Variants in ATF7IP2 observed in about 807,000 individuals in gnomAD.
ATF7IP2 encodes activating transcription factor 7 interacting protein 2.
Under a neutral mutation model 64.2 loss-of-function variants are expected in ATF7IP2, and 42 were observed. That is an observed-to-expected ratio of 0.65 (90% confidence interval 0.51 to 0.85). ATF7IP2 has a LOEUF of 0.85. ATF7IP2 is among the 40% of genes least tolerant of loss of function. ATF7IP2 has a pLI of 0.00. For synonymous variants in ATF7IP2, 308 were observed against 272.8 expected (o/e 1.13, Z -1.27); for missense variants, 933 against 784.2 (o/e 1.19, Z -2.27).
chr16:10,438,870 T>G (rs2048511894), intron 7 of ATF7IP2, among the ~76,000 whole-genome samples: 1 of 151,932 alleles, frequency 6.6e-6, no homozygotes, highest in African/African-American at 2.4e-5. Context: ...CTGGGCAACA[T>G]AGTGAAACCC....
At chr16:10,457,122 A>C (rs2049196566) in intron 8 of ATF7IP2, among the ~76,000 whole-genome samples, 1 of 152,196 alleles carries the variant, frequency 6.6e-6, no homozygotes, top group Admixed American at 6.5e-5. Context: ...AAGTACCTGA[A>C]CATTTGTTTT....
Position 10,393,236 on chromosome 16 carries a change from G to A in ATF7IP2, c.-242+7114G>A, listed in dbSNP as rs531600290. On this transcript the variant is annotated intron_variant, in intron 1 of 13. Transcript: ENST00000562102. ...GAGGCAGGAGAATTGCTTGAACCTG[G>A]GAGGCGGAGGTTGCAGTGAGCTGAG... Among the ~76,000 whole-genome samples the A allele has an allele frequency of 5.3e-5, 8 of 149,682 alleles. No individual in the cohort carries two copies. In the South Asian group the frequency reaches 1.5e-3, roughly 28 times the overall value.
chr16:10,424,651 A>C (rs1419889871), intron 3 of ATF7IP2, among the ~76,000 whole-genome samples: 2 of 152,222 alleles, frequency 1.3e-5, no homozygotes, highest in African/African-American at 2.4e-5. Context: ...TAAAAACGCA[A>C]ATAACACAGT....
chr16:10,403,242 G>A (rs550695458), intron 1 of ATF7IP2, among the ~76,000 whole-genome samples: 1 of 152,282 alleles, frequency 6.6e-6, no homozygotes, highest in South Asian at 2.1e-4. Context: ...CCAGGCTCAG[G>A]AGTGTGAGGT....
intron 9 of ATF7IP2, among the ~76,000 whole-genome samples, chr16:10,465,484 C>G (rs368518073): frequency 6.6e-6 from 1 of 151,810 alleles, no homozygotes; most frequent in Non-Finnish European, 1.5e-5. Flanking sequence ...CAGTGACTCA[C>G]GCCTGTAATC....
chr16:10,474,833 A>T (rs1365777718), intron 12 of ATF7IP2, among the ~76,000 whole-genome samples: 3 of 152,248 alleles, frequency 2.0e-5, no homozygotes, highest in African/African-American at 4.8e-5. Context: ...AGAACAATGC[A>T]AGCCAAAAGA....
intron 1 of ATF7IP2, among the ~76,000 whole-genome samples, chr16:10,407,736 A>G (rs770953743): frequency 2.6e-5 from 4 of 152,110 alleles, no homozygotes; most frequent in African/African-American, 7.2e-5. Context: ...TGGTGCACCC[A>G]TCACCCGAGC....
At chr16:10,440,564 A>C (rs1464623123) in intron 8 of ATF7IP2, 102 bp downstream of exon 8, 1 of 700,374 alleles carries the variant, frequency 1.4e-6, no homozygotes, top group Admixed American at 3.9e-5. Context: ...GAAGGTGTAA[A>C]GGTAAGTAAG....
At chr16:10,403,696 C>G (rs567217717) in intron 1 of ATF7IP2, among the ~76,000 whole-genome samples, 1 of 152,072 alleles carries the variant, frequency 6.6e-6, no homozygotes, top group East Asian at 1.9e-4. Context: ...TCTGAAAACC[C>G]ATACAAAGAA....
chr16:10,411,820 G>C (rs1397740931), intron 1 of ATF7IP2, among the ~76,000 whole-genome samples: 1 of 151,134 alleles, frequency 6.6e-6, no homozygotes, highest in Non-Finnish European at 1.5e-5. Flanking sequence ...ATGCATAAAG[G>C]TGTTGAATTA....
intron 8 of ATF7IP2, chr16:10,447,311 C>G (rs973532797): frequency 6.6e-6 from 1 of 152,260 alleles, no homozygotes; most frequent in Non-Finnish European, 1.5e-5. Context: ...TTATTTGTCA[C>G]AACGGGTGGG....
chr16:10,460,586 C>T (rs962012285), intron 9 of ATF7IP2, among the ~76,000 whole-genome samples: 3 of 152,006 alleles, frequency 2.0e-5, no homozygotes, highest in Admixed American at 6.5e-5. Context: ...ATGGAGATTG[C>T]GTGGCAGTCA....
chr16:10,475,616 C>A (rs1450527516), intron 12 of ATF7IP2, among the ~76,000 whole-genome samples: 1 of 149,882 alleles, frequency 6.7e-6, no homozygotes, highest in Non-Finnish European at 1.5e-5. Flanking sequence ...TGGCGCGAAC[C>A]CGGGAAGTGG....
chr16:10,481,002 C>G, intron 13 of ATF7IP2, 38 bp downstream of exon 13: 1 of 1,435,826 alleles, frequency 7.0e-7, no homozygotes, highest in Non-Finnish European at 9.8e-7. Context: ...ATATTTATTC[C>G]AAATTGAGTG....
chr16:10,393,877 C>A (rs894874401), intron 1 of ATF7IP2, among the ~76,000 whole-genome samples: 2 of 152,018 alleles, frequency 1.3e-5, no homozygotes, highest in South Asian at 4.2e-4. Context: ...CTTGTCTCTA[C>A]AAAAAAATTT....
intron 8 of ATF7IP2, among the ~76,000 whole-genome samples, chr16:10,452,212 G>A (rs2049007857): frequency 6.6e-6 from 1 of 152,206 alleles, no homozygotes; most frequent in Non-Finnish European, 1.5e-5. Context: ...CTTGTTTTTG[G>A]AATTTTCAGC....
At chr16:10,405,196 CTACTAAAAAAAAAAAA>C (rs2047612197) in intron 1 of ATF7IP2, among the ~76,000 whole-genome samples, 1 of 150,850 alleles carries the variant, frequency 6.6e-6, no homozygotes, top group Non-Finnish European at 1.5e-5. Flanking sequence ...AACCCGGTCT[CTACTAAAAAAAAAAAA>C]TACAAAAAAT....
intron 8 of ATF7IP2, chr16:10,448,316 A>G (rs966949040): frequency 1.3e-5 from 2 of 152,148 alleles, no homozygotes; most frequent in East Asian, 1.9e-4. Flanking sequence ...AAGAAAGTCA[A>G]TGGTAGCTTG....
chr16:10,448,936 T>A (rs952691535), intron 8 of ATF7IP2: 4 of 152,212 alleles, frequency 2.6e-5, no homozygotes, highest in African/African-American at 9.7e-5. Flanking sequence ...AGTATGATAT[T>A]GGCTGTGGGT....
Sources: allele counts gnomAD v4.1 joint callset (sites outside exome capture counted in the v4.1 genomes callset), GRCh38; gene constraint gnomAD v4.1.1; transcripts MANE v1.5; gene names NCBI Gene and HGNC (gene_info 2026-07-23, HGNC 2026-07-21).